Variants in PPP2R2C observed in about 807,000 individuals in gnomAD.
PPP2R2C encodes the protein protein phosphatase 2 regulatory subunit Bgamma, also known as protein phosphatase 2, regulatory subunit B, gamma.
A neutral mutation model predicts 45.3 loss-of-function variants in PPP2R2C; 10 were observed. That is an observed-to-expected ratio of 0.22 (90% CI 0.14 to 0.37). PPP2R2C has a LOEUF of 0.37. Ranked by LOEUF, PPP2R2C falls within the 10% of genes least tolerant of loss-of-function variation. The pLI, the probability that PPP2R2C is intolerant of heterozygous loss-of-function variation, is 1.00. For missense variants in PPP2R2C, 308 were observed against 619.7 expected, an observed-to-expected ratio of 0.50 and a Z score of 5.34; for synonymous variants, 257 against 245.4, an observed-to-expected ratio of 1.05 and a Z score of -0.44.
At chr4:6,507,871 C>A (rs1350692523) in intron 2 of PPP2R2C, among the ~76,000 whole-genome samples, 1 of 152,248 alleles carries the variant, frequency 6.6e-6, no homozygotes, top group Non-Finnish European at 1.5e-5. Context: ...TTAATTTCCT[C>A]ATCTATGAAA....
chr4:6,323,080 T>G lies in PPP2R2C; in HGVS notation c.*222A>C. 1 of 476,250 alleles carries G rather than the reference T, an allele frequency of 2.1e-6. No individual in the cohort carries two copies. 29.5% of individuals were successfully genotyped at this position (476,250 alleles called of 1,614,324 possible). On this transcript the variant is annotated 3_prime_UTR_variant, in exon 9 of 9. Coordinates refer to ENST00000382599, the MANE Select transcript of PPP2R2C (RefSeq NM_020416.4). ...TTGTGGCGGTGAACGCTTCCTTTCC[T>G]TTTTATTTTTTTAAACAGACAATTA... is the stretch of plus-strand genomic sequence containing the variant.
At chr4:6,338,812 A>C (rs1224944646) in intron 6 of PPP2R2C, among the ~76,000 whole-genome samples, 1 of 152,008 alleles carries the variant, frequency 6.6e-6, no homozygotes, top group African/African-American at 2.4e-5. Flanking sequence ...TGCCTCCCGT[A>C]GCCCCTGCCC....
In PPP2R2C at chr4:6,320,688, C is replaced by A. The variant is rs2109138329; in HGVS notation, c.*2614G>T. On this transcript the variant is annotated 3_prime_UTR_variant, in exon 9 of 9. Transcript: ENST00000382599. Reference sequence around the variant, plus strand: ...TGAGACACCAAAGAAAAAAAGAATGCACCTATGAGTTACAGAGTCCAAACT... The same window carrying A: ...TGAGACACCAAAGAAAAAAAGAATGAACCTATGAGTTACAGAGTCCAAACT... 6.6e-6 allele frequency: 1 copy of A among 152,580 alleles called. No individual in the cohort carries two copies. Among genetic ancestry groups the A allele is most frequent in the Admixed American group, 6.5e-5 (1 of 15,288 alleles). The allele number at this position is 152,580 out of a possible 1,614,324, so 9.5% of individuals were successfully genotyped here.
At position 6,377,636 on chromosome 4, in the gene PPP2R2C, G is replaced by C. The variant is rs534652951; in HGVS notation, c.334+771C>G. ...ATCGCGCCACTCTACCCCAGCCTGG[G>C]TGACAGAGCAAGACTCTTGTCTCTC... On this transcript the variant is annotated intron_variant, in intron 3 of 8. Transcript: ENST00000382599. Among the ~76,000 whole-genome samples, 29 of 152,214 alleles carry C rather than the reference G, an allele frequency of 1.9e-4. 2 individuals are homozygous for C. In the South Asian group the frequency reaches 5.8e-3, roughly 30 times the overall value.
chr4:6,376,121 G>C (rs1453949279), intron 3 of PPP2R2C, among the ~76,000 whole-genome samples, 190 bp from the exon 4 acceptor site: 2 of 152,216 alleles, frequency 1.3e-5, no homozygotes, highest in Non-Finnish European at 2.9e-5. Flanking sequence ...GCAGATTTCG[G>C]AACGGCCAGC....
chr4:6,348,062 C>A, intron 5 of PPP2R2C, 52 bp from the exon 6 acceptor site: 2 of 1,589,644 alleles, frequency 1.3e-6, no homozygotes, highest in African/African-American at 1.3e-5. Flanking sequence ...CTCAATGCTC[C>A]GCCTTCCCGG....
Position 6,332,543 on chromosome 4 carries a change from C to G in PPP2R2C, c.960+1019G>C, listed in dbSNP as rs545877745. On this transcript the variant is annotated intron_variant, in intron 7 of 8. Coordinates refer to ENST00000382599, the MANE Select transcript of PPP2R2C (RefSeq NM_020416.4). The surrounding 1 kb of genome is among the most constrained non-coding windows in gnomAD (Gnocchi z 4.9). ...CTCTGAGCTCTGCACCAGTTCCCAG[C>G]GAGGCCTGCGCCACCCAGGACGCTT... Among the ~76,000 whole-genome samples, 1 of 152,168 alleles carries G rather than the reference C, an allele frequency of 6.6e-6. No individual in the cohort carries two copies. Among genetic ancestry groups the G allele is most frequent in the African/African-American group, 2.4e-5 (1 of 41,434 alleles).
At chr4:6,461,898 G>A (rs779497335) in intron 1 of PPP2R2C, among the ~76,000 whole-genome samples, 13 of 152,228 alleles carry the variant, frequency 8.5e-5, no homozygotes, top group African/African-American at 1.2e-4. Context: ...CATCATGGGG[G>A]TAAGACAGGG....
intron 1 of PPP2R2C, among the ~76,000 whole-genome samples, chr4:6,552,428 C>T (rs1560618598): frequency 6.6e-6 from 1 of 152,190 alleles, no homozygotes; most frequent in Non-Finnish European, 1.5e-5. Flanking sequence ...TTCCTTGGCT[C>T]ATGACCCCTC....
intron 2 of PPP2R2C, among the ~76,000 whole-genome samples, chr4:6,514,550 G>C (rs1277723553): frequency 1.5e-5 from 2 of 134,474 alleles, no homozygotes; most frequent in Non-Finnish European, 3.1e-5. Flanking sequence ...CCTCCCACAG[G>C]CTCTGAACTC....
Position 6,395,401 on chromosome 4 carries a change from C to A in PPP2R2C, c.71-14307G>T, listed in dbSNP as rs527518097. ...CGGGCATGTCCAGGCCCTCCCAGAC[C>A]AGTCTGACCAATGAGGGTTGGGTAT... On this transcript the variant is annotated intron_variant, in intron 1 of 8. Coordinates refer to ENST00000382599, the MANE Select transcript of PPP2R2C (RefSeq NM_020416.4). Among the ~76,000 whole-genome samples the A allele has an allele frequency of 3.8e-3, 586 of 152,338 alleles. 6 individuals carry two copies. The highest frequency in any genetic ancestry group is 5.1e-3 in the Non-Finnish European group (347 of 68,030).
At chr4:6,389,195 T>G (rs1030103223) in intron 1 of PPP2R2C, among the ~76,000 whole-genome samples, 1 of 152,136 alleles carries the variant, frequency 6.6e-6, no homozygotes, top group Non-Finnish European at 1.5e-5. Context: ...CCAGGGTAAA[T>G]GTGAAATTCA....
At chr4:6,414,332 G>A (rs980987234) in intron 1 of PPP2R2C, among the ~76,000 whole-genome samples, 1 of 152,054 alleles carries the variant, frequency 6.6e-6, no homozygotes, top group Non-Finnish European at 1.5e-5. Flanking sequence ...AGCTAGGCTC[G>A]CAAACTCTCT....
intron 1 of PPP2R2C, among the ~76,000 whole-genome samples, chr4:6,425,796 C>A (rs920422836): frequency 6.6e-5 from 10 of 151,404 alleles, no homozygotes; most frequent in Non-Finnish European, 1.2e-4. Context: ...AGAACAGGGC[C>A]CAGAATCGAT....
intron 1 of PPP2R2C, chr4:6,413,980 C>T: frequency 6.5e-7 from 1 of 1,535,636 alleles, no homozygotes; most frequent in Admixed American, 2.0e-5. Flanking sequence ...CTGCAGTTGG[C>T]TACTGCCATG....
intron 5 of PPP2R2C, chr4:6,349,394 C>T: frequency 1.0e-6 from 1 of 973,380 alleles, no homozygotes; most frequent in African/African-American, 1.8e-5. Flanking sequence ...AGCCTTATCA[C>T]TTCGCTGTGA....
intron 5 of PPP2R2C, chr4:6,349,902 CA>C (rs1338156556): frequency 1.0e-6 from 1 of 985,088 alleles, no homozygotes; most frequent in African/African-American, 1.7e-5. Context: ...AAAAAGCAAG[CA>C]AGCAGTATTT....
rs1712495719 is a variant in PPP2R2C at position 6,350,961 on chromosome 4, C to T, written c.626-2951G>A. ...TGAGCCCCCTGACAGGTTCAGTGTC[C>T]ACCCAAACGCTCTTTCCTTTCCCAC... On this transcript the variant is annotated intron_variant, in intron 5 of 8. Transcript: ENST00000382599. The T allele has an allele frequency of 1.0e-5, 10 of 985,224 alleles. No homozygotes were observed. The South Asian group carries it at 4.7e-4, about 46-fold the overall frequency. 61.0% of individuals were successfully genotyped at this position (985,224 alleles called of 1,614,324 possible).
At chr4:6,499,756 T>C (rs543181893) in intron 2 of PPP2R2C, among the ~76,000 whole-genome samples, 13 of 150,570 alleles carry the variant, frequency 8.6e-5, no homozygotes, top group East Asian at 3.9e-4. Context: ...GAATGGACCA[T>C]TGAACCATAA....
Sources: gnomAD v4.1 joint callset for allele counts (sites outside exome capture counted in the v4.1 genomes callset) on GRCh38, gnomAD v4.1.1 for gene constraint, Gnocchi (gnomAD v3.1) non-coding constraint, MANE v1.5 for transcripts, NCBI Gene and HGNC (gene_info 2026-07-23, HGNC 2026-07-21) for gene names.